KCNH1: variants seen among roughly 807,000 people sequenced by gnomAD.
KCNH1 encodes the protein voltage-gated delayed rectifier potassium channel KCNH1.
Under a neutral mutation model 69.2 loss-of-function variants are expected in KCNH1, and 27 were observed. That is an observed-to-expected ratio of 0.39 (90% CI 0.29 to 0.54). KCNH1 has a LOEUF of 0.54. Ranked by LOEUF, KCNH1 falls within the 20% of genes least tolerant of loss-of-function variation. KCNH1 has a pLI of 0.68. For missense variants in KCNH1, 798 were observed against 1,261.6 expected, an observed-to-expected ratio of 0.63 and a Z score of 5.57; for synonymous variants, 456 against 487.7, an observed-to-expected ratio of 0.93 and a Z score of 0.86.
intron 10 of KCNH1, among the ~76,000 whole-genome samples, chr1:210,685,889 C>A (rs1029469059): frequency 6.6e-6 from 1 of 152,210 alleles, no homozygotes; most frequent in African/African-American, 2.4e-5. Flanking sequence ...ATCAGCAAAT[C>A]GCTGGCAGAC....
At chr1:211,005,237 A>C (rs1033123983) in intron 6 of KCNH1, among the ~76,000 whole-genome samples, 2 of 152,174 alleles carry the variant, frequency 1.3e-5, no homozygotes, top group Non-Finnish European at 2.9e-5. Context: ...CAGAAGTAAC[A>C]GAAAATTTGA....
chr1:210,822,550 C>T (rs1317312853), intron 7 of KCNH1, among the ~76,000 whole-genome samples: 1 of 152,138 alleles, frequency 6.6e-6, no homozygotes, highest in Non-Finnish European at 1.5e-5. Context: ...AGGTCCTATG[C>T]TTGGTTGAAT....
intron 9 of KCNH1, among the ~76,000 whole-genome samples, chr1:210,782,823 T>C (rs1302911318): frequency 6.6e-6 from 1 of 152,168 alleles, no homozygotes; most frequent in African/African-American, 2.4e-5. Flanking sequence ...GAAGGCACCA[T>C]CTTTGAATCA....
intron 5 of KCNH1, among the ~76,000 whole-genome samples, chr1:211,053,931 C>T (rs1310581385): frequency 6.6e-6 from 1 of 152,148 alleles, no homozygotes; most frequent in East Asian, 1.9e-4. Flanking sequence ...TTTTGAAGAA[C>T]AGGAAGATTT....
chr1:211,014,484 A>T (rs529848483), intron 6 of KCNH1, among the ~76,000 whole-genome samples: 1 of 152,340 alleles, frequency 6.6e-6, no homozygotes, highest in Admixed American at 6.5e-5. Flanking sequence ...GTTTAGCCAA[A>T]GGGATCACTT....
intron 6 of KCNH1, among the ~76,000 whole-genome samples, chr1:210,951,481 G>A (rs954165842): frequency 3.3e-5 from 5 of 152,158 alleles, no homozygotes; most frequent in African/African-American, 7.2e-5. Context: ...CTCCTCTGGC[G>A]TTTAGCTATT....
At chr1:210,862,256 G>A in intron 7 of KCNH1, 3 of 1,053,022 alleles carry the variant, frequency 2.8e-6, no homozygotes, top group South Asian at 2.5e-5. Context: ...GTGCCCCGCA[G>A]GGCCTCGATA....
chr1:211,090,676 A>G lies in KCNH1; in HGVS notation c.325T>C (p.Phe109Leu), dbSNP rs1292389792. ...CGAATTGGAGCAATTTTCACAAAGA[A>G]CCACACAGGTGTCCCTGAAAGGAAT... ...MYKKNRTPVWFFVKIAPIRNE... is the reference protein window; with the variant it reads ...MYKKNRTPVWLFVKIAPIRNE... The change falls in exon 4 of 11, where the codon TTC becomes CTC. Residue 109 changes from phenylalanine (F) to leucine (L), a missense_variant. Coordinates refer to ENST00000271751, the MANE Select transcript of KCNH1 (RefSeq NM_172362.3). 1 of 1,606,356 alleles carries G rather than the reference A, an allele frequency of 6.2e-7. No individual in the cohort carries two copies. The highest frequency in any genetic ancestry group is 1.1e-5 in the South Asian group (1 of 88,558).
rs1477051475 is a variant in KCNH1, at chr1:210,745,491, A to G, written c.2112+29857T>C. On this transcript the variant is annotated intron_variant, in intron 10 of 10. Coordinates refer to ENST00000271751, the MANE Select transcript of KCNH1 (RefSeq NM_172362.3). ...GCCAAAAAGACCTCTGTTTGACTGC[A>G]TATGCCAATTAAGAAACGATGGTCA... Among the ~76,000 whole-genome samples the G allele has an allele frequency of 4.6e-5, 7 of 152,214 alleles. No individual in the cohort carries two copies. The East Asian group carries it at 1.3e-3, about 29-fold the overall frequency.
At chr1:210,716,788 C>A (rs1005371607) in intron 10 of KCNH1, among the ~76,000 whole-genome samples, 3 of 152,172 alleles carry the variant, frequency 2.0e-5, no homozygotes, top group African/African-American at 7.2e-5. Context: ...CTATGCAGAT[C>A]ACTAGGGCTC....
chr1:210,740,576 G>T (rs1682999258), intron 10 of KCNH1, among the ~76,000 whole-genome samples: 1 of 151,902 alleles, frequency 6.6e-6, no homozygotes, highest in South Asian at 2.1e-4. Flanking sequence ...CTTACAGGCT[G>T]CCATGATCTT....
chr1:211,080,171 A>G (rs1057129554), intron 5 of KCNH1, among the ~76,000 whole-genome samples: 1 of 152,202 alleles, frequency 6.6e-6, no homozygotes, highest in Non-Finnish European at 1.5e-5. Flanking sequence ...GTACACACCA[A>G]TAATAGACAA....
chr1:211,115,296 AT>A (rs1221184703), intron 1 of KCNH1, among the ~76,000 whole-genome samples: 2 of 152,136 alleles, frequency 1.3e-5, no homozygotes. Context: ...GCAAGAATTA[AT>A]ATCGTTAACA....
At chr1:210,955,526 G>A (rs532074860) in intron 6 of KCNH1, among the ~76,000 whole-genome samples, 149 of 152,142 alleles carry the variant, frequency 9.8e-4, no homozygotes, top group African/African-American at 3.5e-3. Context: ...GATTCTTCCT[G>A]TCCATGAGCA....
intron 1 of KCNH1, among the ~76,000 whole-genome samples, chr1:211,131,060 GAATCTGACATTGGACTCA>G (rs1691866431): frequency 6.6e-6 from 1 of 152,098 alleles, no homozygotes; most frequent in Non-Finnish European, 1.5e-5. Context: ...GTACCATAAA[GAATCTGACATTGGACTCA>G]AATGGTTTGG....
intron 6 of KCNH1, among the ~76,000 whole-genome samples, chr1:210,942,657 G>A (rs1031088595): frequency 6.6e-6 from 1 of 151,974 alleles, no homozygotes; most frequent in Non-Finnish European, 1.5e-5. Context: ...CATATATACT[G>A]GACCTAAACA....
At chr1:210,749,716 T>C (rs1210805983) in intron 10 of KCNH1, among the ~76,000 whole-genome samples, 3 of 150,686 alleles carry the variant, frequency 2.0e-5, no homozygotes, top group Non-Finnish European at 4.4e-5. Context: ...TGAGGACCCC[T>C]GCATGACAGG....
At chr1:211,070,742 A>C (rs1236454367) in intron 5 of KCNH1, among the ~76,000 whole-genome samples, 1 of 151,782 alleles carries the variant, frequency 6.6e-6, no homozygotes, top group Non-Finnish European at 1.5e-5. Context: ...GAATCGCTTG[A>C]ACCCAGGAGG....
intron 5 of KCNH1, among the ~76,000 whole-genome samples, chr1:211,050,022 C>T (rs1471575539): frequency 6.6e-6 from 1 of 152,058 alleles, no homozygotes; most frequent in East Asian, 1.9e-4. Flanking sequence ...CATTTAAGGA[C>T]ACAAGTAGAG....
Sources: gnomAD v4.1 joint callset for allele counts (sites outside exome capture counted in the v4.1 genomes callset) on GRCh38, gnomAD v4.1.1 for gene constraint, MANE v1.5 for transcripts, NCBI Gene and HGNC (gene_info 2026-07-23, HGNC 2026-07-21) for gene names.